The following CCND3 variants were observed in gnomAD, a reference collection of about 807,000 sequenced individuals.
CCND3 encodes the protein G1/S-specific cyclin-D3.
CCND3 carries 9 observed loss-of-function variants against 28.7 expected under a neutral mutation model. The observed-to-expected ratio is 0.31, with a 90% CI of 0.19 to 0.55. The LOEUF (loss-of-function observed/expected upper bound fraction) is 0.55, where lower values mean the gene tolerates loss of function less well. Ranked by LOEUF, CCND3 falls within the 20% of genes least tolerant of loss-of-function variation. The pLI, the probability that CCND3 is intolerant of heterozygous loss-of-function variation, is 0.93. For synonymous variants in CCND3, 164 were observed against 163.9 expected, an observed-to-expected ratio of 1.00 and a Z score of 0.00; for missense variants, 315 against 385.8, an observed-to-expected ratio of 0.82 and a Z score of 1.54.
rs1205360296 is a variant in CCND3 at position 42,039,478 on chromosome 6, G to T, written c.-46+9023C>A. 1.3e-5 allele frequency among the ~76,000 whole-genome samples: 2 copies of T among 152,174 alleles called. 1 individual carries two copies. Among genetic ancestry groups the T allele is most frequent in the Admixed American group, 1.3e-4 (2 of 15,278 alleles). ...ACCCATTGCTGGGTGAAGGTCTCAG[G>T]TGTCACTTGAAGGCCAAGGTGAGAG... On this transcript the variant is annotated intron_variant, in intron 1 of 4. Coordinates refer to the CCND3 transcript ENST00000372988.
At chr6:41,972,889 T>TAA (rs200382614) in intron 1 of CCND3, among the ~76,000 whole-genome samples, 2 of 149,064 alleles carry the variant, frequency 1.3e-5, no homozygotes, top group Non-Finnish European at 3.0e-5. Flanking sequence ...ATTTAAAAAT[T>TAA]AAAAATATAT....
At chr6:41,964,354 CTG>C (rs573244405) in intron 1 of CCND3, among the ~76,000 whole-genome samples, 46 of 132,264 alleles carry the variant, frequency 3.5e-4, no homozygotes, top group East Asian at 1.5e-3. Context: ...GTGTGTGAGT[CTG>C]TGTGTGTATG....
At chr6:41,988,772 C>T (rs1351768826) in intron 1 of CCND3, among the ~76,000 whole-genome samples, 4 of 142,950 alleles carry the variant, frequency 2.8e-5, no homozygotes, top group Non-Finnish European at 6.0e-5. Flanking sequence ...GATGTCGGCT[C>T]ACTGCAAGCT....
At chr6:42,043,082 G>C (rs1764422076) in intron 1 of CCND3, among the ~76,000 whole-genome samples, 1 of 152,176 alleles carries the variant, frequency 6.6e-6, no homozygotes, top group Non-Finnish European at 1.5e-5. Context: ...TCAGTACCTT[G>C]GTTTGCTCAC....
rs58375638 is a variant in CCND3, at chr6:41,980,010, T to TCACACACACACACACACACACACACACA, written c.-45-39426_-45-39425insTGTGTGTGTGTGTGTGTGTGTGTGTGTG. Among the ~76,000 whole-genome samples the TCACACACACACACACACACACACACACA allele has an allele frequency of 2.9e-3, 402 of 137,170 alleles. 5 individuals are homozygous for TCACACACACACACACACACACACACACA. The highest frequency in any genetic ancestry group is 0.017 in the South Asian group (68 of 4,034). The allele number at this position is 137,170 out of a possible 152,430, so 90.0% of individuals were successfully genotyped here. Reference sequence around the variant, plus strand: ...CAATGAACATATGCTGCTTTCAAAATCACACACACACACACACACACACAC... The same window carrying TCACACACACACACACACACACACACACA: ...CAATGAACATATGCTGCTTTCAAAATCACACACACACACACACACACACACACACACACACACACACACACACACACAC... On this transcript the variant is annotated intron_variant, in intron 1 of 4. Coordinates refer to the CCND3 transcript ENST00000372988.
chr6:41,996,108 C>CATATATATATATATA (rs1762791775), intron 1 of CCND3, among the ~76,000 whole-genome samples: 1 of 125,552 alleles, frequency 8.0e-6, no homozygotes, highest in Non-Finnish European at 1.7e-5. Context: ...AATCTGCTCT[C>CATATATATATATATA]ATATATATAT....
intron 1 of CCND3, among the ~76,000 whole-genome samples, chr6:42,032,447 T>C (rs1477965749): frequency 6.6e-6 from 1 of 152,214 alleles, no homozygotes; most frequent in East Asian, 1.9e-4. Context: ...AAAGTGGAAT[T>C]ACCAAGGCAG....
intron 1 of CCND3, among the ~76,000 whole-genome samples, chr6:41,966,522 C>T (rs1204053458): frequency 2.0e-5 from 3 of 152,148 alleles, no homozygotes; most frequent in Non-Finnish European, 2.9e-5. Context: ...CAGGTGATTC[C>T]GAAACACATC....
intron 1 of CCND3, among the ~76,000 whole-genome samples, chr6:42,003,199 A>G (rs187571568): frequency 3.4e-4 from 44 of 127,844 alleles, no homozygotes; most frequent in Middle Eastern, 3.8e-3. Flanking sequence ...AAATTGATAA[A>G]CCAAGCACAG....
chr6:41,960,641 C>G (rs1186929713), intron 1 of CCND3, among the ~76,000 whole-genome samples: 1 of 152,172 alleles, frequency 6.6e-6, no homozygotes, highest in Non-Finnish European at 1.5e-5. Context: ...AGGAGACCCC[C>G]AACCTCCATG....
intron 1 of CCND3, among the ~76,000 whole-genome samples, chr6:42,042,001 G>T (rs1032057249): frequency 3.9e-5 from 6 of 152,198 alleles, no homozygotes; most frequent in African/African-American, 7.2e-5. Context: ...AGAACAAGAG[G>T]GAGGGTGAGT....
At chr6:41,946,595 CAAAAAAAAAAAAAA>C (rs35369019), upstream of CCND3, among the ~76,000 whole-genome samples, 3 of 20,934 alleles carry the variant, frequency 1.4e-4, no homozygotes, top group Admixed American at 1.8e-3. Context: ...AGACCTGTCT[CAAAAAAAAAAAAAA>C]AAAAAAAAAA....
Position 41,941,076 on chromosome 6 carries a change from C to A in CCND3, c.198+376G>T. On this transcript the variant is annotated intron_variant, in intron 1 of 4. Transcript: ENST00000372991. The surrounding 1 kb of genome is among the most constrained non-coding windows in gnomAD (Gnocchi z 6.1). ...AGAACCCCGCGAAAGACACAGGAAC[C>A]GGCTCCCGGGCGGGGGCGGCCGAGC... 6.4e-7 allele frequency: 1 copy of A among 1,565,782 alleles called. No homozygotes were observed. Among genetic ancestry groups the A allele is most frequent in the Non-Finnish European group, 8.7e-7 (1 of 1,154,774 alleles).
intron 1 of CCND3, among the ~76,000 whole-genome samples, chr6:42,032,531 CAT>C (rs762286604): frequency 1.8e-4 from 27 of 152,248 alleles, no homozygotes; most frequent in Admixed American, 6.5e-5. Flanking sequence ...GAATTTAGCA[CAT>C]GAGAAGGCCA....
At chr6:41,982,925 C>T (rs570681435) in intron 1 of CCND3, among the ~76,000 whole-genome samples, 27 of 148,048 alleles carry the variant, frequency 1.8e-4, no homozygotes, top group African/African-American at 6.4e-4. Flanking sequence ...AGATCTTATG[C>T]TCTTCACTAA....
At chr6:41,967,673 C>G (rs1761925224) in intron 1 of CCND3, among the ~76,000 whole-genome samples, 1 of 152,232 alleles carries the variant, frequency 6.6e-6, no homozygotes, top group South Asian at 2.1e-4. Flanking sequence ...GAAGATCACA[C>G]TTGGAGTCCA....
At chr6:41,943,305 A>G (rs1323633809), upstream of CCND3, among the ~76,000 whole-genome samples, 1 of 152,244 alleles carries the variant, frequency 6.6e-6, no homozygotes, top group Non-Finnish European at 1.5e-5. Context: ...ATAACCCTTT[A>G]ATATATCAAT....
chr6:42,033,665 T>A (rs1182319406), intron 1 of CCND3, among the ~76,000 whole-genome samples: 1 of 151,236 alleles, frequency 6.6e-6, no homozygotes, highest in African/African-American at 2.4e-5. Context: ...CTGACCAACA[T>A]GGAAAAACCC....
intron 1 of CCND3, among the ~76,000 whole-genome samples, chr6:42,025,429 G>T (rs7770391): frequency 0.38 from 57,785 of 152,046 alleles, 11,148 homozygotes; most frequent in African/African-American, 0.44. Context: ...GAATGGGAAG[G>T]AGAGATCCCA....
Sources: allele counts gnomAD v4.1 joint callset (sites outside exome capture counted in the v4.1 genomes callset), GRCh38; gene constraint gnomAD v4.1.1; non-coding constraint Gnocchi (gnomAD v3.1); transcripts MANE v1.5; gene names NCBI Gene and HGNC (gene_info 2026-07-23, HGNC 2026-07-21).